PMS2: variants seen among roughly 807,000 people sequenced by gnomAD.
PMS2 encodes the protein mismatch repair endonuclease PMS2.
Under a neutral mutation model 90.0 loss-of-function variants are expected in PMS2, and 69 were observed. That is an observed-to-expected ratio of 0.77 (90% CI 0.63 to 0.94). The LOEUF (loss-of-function observed/expected upper bound fraction) is 0.94, where lower values mean the gene tolerates loss of function less well. PMS2 is among the 40% of genes least tolerant of loss of function. The pLI is 0.00. For missense variants in PMS2, 966 were observed against 1,040.2 expected, an observed-to-expected ratio of 0.93 and a Z score of 0.98; for synonymous variants, 332 against 375.1, an observed-to-expected ratio of 0.89 and a Z score of 1.33.
intron 6 of PMS2, among the ~76,000 whole-genome samples, 192 bp downstream of exon 6, chr7:5,998,916 G>T (rs1784756146): frequency 6.6e-6 from 1 of 151,734 alleles, no homozygotes; most frequent in Non-Finnish European, 1.5e-5. Flanking sequence ...CTTGAATCTG[G>T]GAGGCGGAGG....
At chr7:6,008,902 G>T in intron 1 of PMS2, 95 bp downstream of exon 1, 1 of 1,469,182 alleles carries the variant, frequency 6.8e-7, no homozygotes, top group Non-Finnish European at 9.5e-7. Context: ...ACGCGCCTCG[G>T]CCATGTTCCC....
intron 7 of PMS2, among the ~76,000 whole-genome samples, chr7:5,996,595 AT>A (rs1784433406): frequency 9.2e-6 from 1 of 108,390 alleles, no homozygotes; most frequent in African/African-American, 4.7e-5. Context: ...AAAAAAATAT[AT>A]ATATATATAT....
At position 5,989,812 on chromosome 7, in the gene PMS2, G is replaced by A. The variant is rs2128747027; in HGVS notation, c.1132C>T (p.Leu378=). 1 of 1,612,204 alleles carries A rather than the reference G, an allele frequency of 6.2e-7. No individual in the cohort carries two copies. The highest frequency in any genetic ancestry group is 8.5e-7 in the Non-Finnish European group (1 of 1,178,510). The change falls in exon 10 of 15, where the codon CTG becomes TTG. Residue 378 remains leucine (L), a synonymous_variant. Coordinates refer to ENST00000265849, the MANE Select transcript of PMS2 (RefSeq NM_000535.7). ...GTATTTTTCTTACCTTCAACATCCA[G>A]CAGTGGCTGCTGACTGACATTTAGC... ...NKLNVSQQPL[L]DVEGNLIKMH...
rs1554302490 is a variant in PMS2 at position 5,999,231 on chromosome 7, A to C, written c.582T>G (p.Ile194Met). 1.2e-6 allele frequency: 2 copies of C among 1,614,130 alleles called. No homozygotes were observed. The highest frequency in any genetic ancestry group is 8.5e-7 in the Non-Finnish European group (1 of 1,180,014). ...MVQVLHAYCI[I>M]SAGIRVSCTN... ...TGCAACTTACACGGATGCCTGCTGA[A>C]ATGATACAGTATGCATGTAAGACCT... is the stretch of plus-strand genomic sequence containing the variant. Residue 194 changes from isoleucine (I) to methionine (M), a missense_variant, in exon 6 of 15, where the codon ATT becomes ATG. Ile to Met is a conservative substitution (Grantham distance 10, BLOSUM62 1). This residue lies in a region of PMS2 where 871 missense variants were observed against 802.4 expected (regional missense o/e 1.09). Coordinates refer to ENST00000265849, the MANE Select transcript of PMS2 (RefSeq NM_000535.7).
In PMS2 at chr7:6,002,426, T is replaced by C. The variant is rs747530742; in HGVS notation, c.537+27A>G. 2.7e-5 allele frequency: 40 copies of C among 1,492,120 alleles called. No individual in the cohort carries two copies. In the East Asian group the frequency reaches 2.9e-4, roughly 11 times the overall value. 92.4% of individuals were successfully genotyped at this position (1,492,120 alleles called of 1,614,324 possible). Reference sequence around the variant, plus strand: ...TGCTCATGTGCATTAACCAATACTCTTGAAAACCAGGATTAATTTACTGTA... The same window carrying C: ...TGCTCATGTGCATTAACCAATACTCCTGAAAACCAGGATTAATTTACTGTA... On this transcript the variant is annotated intron_variant, in intron 5 of 14. Coordinates refer to ENST00000265849, the MANE Select transcript of PMS2 (RefSeq NM_000535.7).
chr7:5,989,903 C>G lies in PMS2; in HGVS notation c.1041G>C (p.Glu347Asp), dbSNP rs150515238. 31 of 1,612,214 alleles carry G rather than the reference C, an allele frequency of 1.9e-5. 1 individual carries two copies. The South Asian group carries it at 3.4e-4, about 18-fold the overall frequency. ...TTAAAACTGCCAACAAAAGCTTTTC[C>G]TCTTGTAGCAAAATTTGCCTTTTAT... ...TPDKRQILLQEEKLLLAVLKT... is the reference protein window; with the variant it reads ...TPDKRQILLQDEKLLLAVLKT... The change falls in exon 10 of 15, where the codon GAG becomes GAC. Residue 347 changes from glutamate to aspartate, a missense_variant. This residue lies in a region of PMS2 where 871 missense variants were observed against 802.4 expected (regional missense o/e 1.09). Transcript: ENST00000265849.
chr7:5,992,970 CATT>C (rs1407790856), intron 8 of PMS2, among the ~76,000 whole-genome samples: 2 of 152,178 alleles, frequency 1.3e-5, no homozygotes, highest in African/African-American at 4.8e-5. Context: ...CAAAATATCA[CATT>C]ATTAATAGTT....
intron 1 of PMS2, among the ~76,000 whole-genome samples, chr7:6,008,229 C>T (rs1366142177): frequency 1.3e-5 from 2 of 152,152 alleles, no homozygotes; most frequent in Admixed American, 6.6e-5. Context: ...TGTCTCAATA[C>T]ATTTAAATGT....
chr7:6,008,960 C>A (rs1786236402), intron 1 of PMS2, 37 bp downstream of exon 1: 1 of 1,611,756 alleles, frequency 6.2e-7, no homozygotes, highest in Admixed American at 1.7e-5. Context: ...AGAGGGCGCG[C>A]GAGAGGGGAC....
rs786203075 is a variant in PMS2 at position 5,986,831 on chromosome 7, T to C, written c.1934A>G (p.Tyr645Cys). 1.2e-6 allele frequency: 2 copies of C among 1,613,666 alleles called. No individual in the cohort carries two copies. Among genetic ancestry groups the C allele is most frequent in the Non-Finnish European group, 1.7e-6 (2 of 1,179,756 alleles). Reference sequence around the variant, plus strand: ...ACAAATCTTTGCCCTAAACTTCCTGTAATTCTGTTCCCCTTCACTTTGCTG... The same window carrying C: ...ACAAATCTTTGCCCTAAACTTCCTGCAATTCTGTTCCCCTTCACTTTGCTG... ...EAQQSEGEQN[Y>C]RKFRAKICPG... is the part of the protein sequence containing the mutation. Residue 645 changes from tyrosine to cysteine, a missense_variant, in exon 11 of 15, where the codon TAC becomes TGC. Around this residue, in one of 2 missense-constraint regions of PMS2, gnomAD observed 871 missense variants for 802.4 expected, o/e 1.09. Coordinates refer to ENST00000265849, the MANE Select transcript of PMS2 (RefSeq NM_000535.7).
In PMS2 at chr7:5,987,109, A is replaced by G. The variant is rs113726095; in HGVS notation, c.1656T>C (p.His552=). 86 of 1,614,000 alleles carry G rather than the reference A, an allele frequency of 5.3e-5. No homozygotes were observed. Among genetic ancestry groups the G allele is most frequent in the African/African-American group, 2.3e-4 (17 of 74,906 alleles). Residue 552 remains histidine (H), a synonymous_variant, in exon 11 of 15, where the codon CAT becomes CAC. Transcript: ENST00000265849. ...TACATCCGGTATCTTCCTGGTTTGAATGGCAGTCCACATCTGAAAAAGAGT... is the reference window on the plus strand; with the variant it reads ...TACATCCGGTATCTTCCTGGTTTGAGTGGCAGTCCACATCTGAAAAAGAGT... ...TDDSFSDVDC[H]SNQEDTGCKF...
chr7:5,993,087 G>T (rs975907377), intron 8 of PMS2, among the ~76,000 whole-genome samples: 3 of 152,046 alleles, frequency 2.0e-5, no homozygotes, highest in African/African-American at 7.2e-5. Context: ...TTGAAAAACA[G>T]GGGCTGGGAG....
chr7:5,994,305 C>G (rs923649346), intron 8 of PMS2, among the ~76,000 whole-genome samples: 26 of 150,454 alleles, frequency 1.7e-4, no homozygotes, highest in African/African-American at 5.4e-4. Flanking sequence ...CGCTTGAACT[C>G]GGGAGGTGGA....
Position 6,002,450 on chromosome 7 carries a change from T to C in PMS2, c.537+3A>G, listed in dbSNP as rs876659939. The C allele has an allele frequency of 6.3e-6, 10 of 1,591,078 alleles. No homozygotes were observed. The highest frequency in any genetic ancestry group is 8.6e-6 in the Non-Finnish European group (10 of 1,161,694). ...CTTGAAAACCAGGATTAATTTACTG[T>C]ACCTTCTTAATATTCCTTTGAAATT... On this transcript the variant is annotated splice_donor_region_variant and intron_variant, in intron 5 of 14. Transcript: ENST00000265849.
At chr7:5,991,409 G>A (rs1783714416) in intron 9 of PMS2, among the ~76,000 whole-genome samples, 1 of 151,538 alleles carries the variant, frequency 6.6e-6, no homozygotes, top group Admixed American at 6.6e-5. Context: ...AAATCTATAT[G>A]AAATGAATTA....
chr7:5,994,549 G>A lies in PMS2; in HGVS notation c.903+985C>T, dbSNP rs528953019. ...AGCACTTTGGGAGGCCGAGGTGGGC[G>A]GATCACGAGGTCAGGAGATCAAAAC... On this transcript the variant is annotated intron_variant, in intron 8 of 14. Coordinates refer to ENST00000265849, the MANE Select transcript of PMS2 (RefSeq NM_000535.7). Among the ~76,000 whole-genome samples, 17 of 151,674 alleles carry A rather than the reference G, an allele frequency of 1.1e-4. No homozygotes were observed. In the East Asian group the frequency reaches 2.3e-3, roughly 21 times the overall value.
At position 5,972,833 on chromosome 7, in the gene PMS2, T is replaced by TG. The variant is rs1554292412; in HGVS notation, c.*565_*566insC. On this transcript the variant is annotated 3_prime_UTR_variant, in exon 15 of 15. Transcript: ENST00000265849. Reference sequence around the variant, plus strand: ...CTTCCAAAGTGGTTTGGTTTTTTTTTTTTTGTTTTGTTTTGTTTTGTTTTT... The same window carrying TG: ...CTTCCAAAGTGGTTTGGTTTTTTTTTGTTTTGTTTTGTTTTGTTTTGTTTTT... Among the ~76,000 whole-genome samples, 1 of 73,854 alleles carries TG rather than the reference T, an allele frequency of 1.4e-5. No homozygotes were observed. The highest frequency in any genetic ancestry group is 2.6e-5 in the Non-Finnish European group (1 of 38,426). 48.5% of individuals were successfully genotyped at this position (73,854 alleles called of 152,430 possible).
chr7:5,989,938 C>A lies in PMS2; in HGVS notation c.1006G>T (p.Val336Phe), dbSNP rs1783550031. Residue 336 changes from valine (V) to phenylalanine (F), a missense_variant, in exon 10 of 15, where the codon GTT becomes TTT. Physicochemically the swap from Val to Phe is conservative, Grantham distance 50 (BLOSUM62 -1). Transcript: ENST00000265849. The part of the protein sequence containing the change: ...SVDSECVDIN[V>F]TPDKRQILLQ... ...AAAATTTGCCTTTTATCTGGAGTAA[C>A]ATTGATATCAACGCATTCTAAGGCA... The A allele has an allele frequency of 6.2e-7, 1 of 1,607,862 alleles. No individual in the cohort carries two copies. The highest frequency in any genetic ancestry group is 8.5e-7 in the Non-Finnish European group (1 of 1,175,412).
chr7:5,994,289 G>A (rs1362813845), intron 8 of PMS2, among the ~76,000 whole-genome samples: 1 of 151,870 alleles, frequency 6.6e-6, no homozygotes, highest in Non-Finnish European at 1.5e-5. Flanking sequence ...GCTGAGGCAG[G>A]AGAATCGCTT....
Sources: gnomAD v4.1 joint callset for allele counts (sites outside exome capture counted in the v4.1 genomes callset) on GRCh38, gnomAD v4.1.1 for gene constraint, gnomAD v4.1.1 regional missense constraint, MANE v1.5 for transcripts, NCBI Gene and HGNC (gene_info 2026-07-23, HGNC 2026-07-21) for gene names.